RTL4: variants seen among roughly 807,000 people sequenced by gnomAD.
RTL4 encodes the protein retrotransposon Gag-like protein 4.
RTL4 carries 4 observed loss-of-function variants against 5.3 expected under a neutral mutation model. That is an observed-to-expected ratio of 0.75 (90% CI 0.37 to 1.72). The LOEUF is 1.72. Ranked by LOEUF, RTL4 falls within the 40% of genes most tolerant of loss-of-function variation. The pLI is 0.04. For synonymous variants in RTL4, 98 were observed against 87.3 expected, an observed-to-expected ratio of 1.12 and a Z score of -0.68; for missense variants, 260 against 227.1, an observed-to-expected ratio of 1.14 and a Z score of -0.93.
At chrX:112,228,856 T>G in the RTL4 span, among the ~76,000 whole-genome samples, 1 of 112,084 alleles carries the variant, frequency 8.9e-6, no homozygotes, top group East Asian at 2.8e-4. Flanking sequence ...TAATTTGGTC[T>G]CAATAAGATC....
the RTL4 span, among the ~76,000 whole-genome samples, chrX:112,411,774 T>A: frequency 9.0e-6 from 1 of 111,105 alleles, no homozygotes; most frequent in African/African-American, 3.3e-5. Flanking sequence ...TCTGAAAGCC[T>A]TTCTTCTGAG....
At chrX:112,382,316 G>T in the RTL4 span, 34 of 581,738 alleles carry the variant, frequency 5.8e-5, no homozygotes, top group South Asian at 8.8e-4. Context: ...ATTCCAGATT[G>T]CTATTGTAAA....
the RTL4 span, among the ~76,000 whole-genome samples, chrX:112,339,016 C>A: frequency 9.0e-6 from 1 of 110,743 alleles, no homozygotes; most frequent in South Asian, 3.8e-4. Context: ...AGTCTAGGAG[C>A]TAAATATACA....
the RTL4 span, among the ~76,000 whole-genome samples, chrX:112,280,384 G>T: frequency 9.0e-6 from 1 of 111,674 alleles, no homozygotes; most frequent in African/African-American, 3.3e-5. Context: ...CTTGGGTGAT[G>T]GGATCATTCA....
At chrX:112,382,459 T>C in the RTL4 span, among the ~76,000 whole-genome samples, 1 of 111,558 alleles carries the variant, frequency 9.0e-6, no homozygotes, top group Admixed American at 9.5e-5. Flanking sequence ...TCCACAAACC[T>C]CCTGTTAACC....
At chrX:112,116,518 A>C in the RTL4 span, among the ~76,000 whole-genome samples, 3,433 of 111,089 alleles carry the variant, frequency 0.031, 145 homozygotes, top group African/African-American at 0.11. Context: ...CCCACATCCT[A>C]CTGATTGGTC....
chrX:112,161,824 C>CTTTCTTT, the RTL4 span, among the ~76,000 whole-genome samples: 17 of 38,879 alleles, frequency 4.4e-4, no homozygotes, highest in African/African-American at 1.4e-3. Context: ...TTCCTTCCTT[C>CTTTCTTT]CTTCCTTCCT....
the RTL4 span, among the ~76,000 whole-genome samples, chrX:112,101,066 T>C: frequency 8.9e-6 from 1 of 112,058 alleles, no homozygotes. Flanking sequence ...CTTTGTGGCC[T>C]ACATGGAACA....
the RTL4 span, among the ~76,000 whole-genome samples, chrX:112,207,476 G>C: frequency 2.7e-5 from 3 of 111,765 alleles, no homozygotes; most frequent in Non-Finnish European, 5.6e-5. Flanking sequence ...GTTTCAAAAT[G>C]GATGTGATAA....
At chrX:112,172,806 T>C in the RTL4 span, among the ~76,000 whole-genome samples, 1 of 111,853 alleles carries the variant, frequency 8.9e-6, no homozygotes, top group African/African-American at 3.3e-5. Context: ...GTGGTACATA[T>C]ACTACATGGA....
the RTL4 span, among the ~76,000 whole-genome samples, chrX:112,220,686 C>T: frequency 0.25 from 27,521 of 111,398 alleles, 3,267 homozygotes; most frequent in African/African-American, 0.47. Context: ...CAGATAATCT[C>T]TCTCAAGTTC....
At chrX:112,255,561 C>T in the RTL4 span, among the ~76,000 whole-genome samples, 1 of 111,596 alleles carries the variant, frequency 9.0e-6, no homozygotes, top group Non-Finnish European at 1.9e-5. Flanking sequence ...ATGAGTCTGG[C>T]ATGTAGTAGG....
the RTL4 span, among the ~76,000 whole-genome samples, chrX:112,206,033 A>C: frequency 8.9e-6 from 1 of 111,848 alleles, no homozygotes; most frequent in Non-Finnish European, 1.9e-5. Context: ...CACATTTTGA[A>C]TGTCTTTTTA....
At chrX:112,138,480 T>A in the RTL4 span, among the ~76,000 whole-genome samples, 1 of 111,733 alleles carries the variant, frequency 8.9e-6, no homozygotes, top group African/African-American at 3.2e-5. Flanking sequence ...TGCAATAGAT[T>A]GTAATGATGG....
the RTL4 span, among the ~76,000 whole-genome samples, chrX:112,288,957 G>T: frequency 8.9e-6 from 1 of 111,767 alleles, no homozygotes; most frequent in Non-Finnish European, 1.9e-5. Flanking sequence ...GTCTCATTCT[G>T]GACAGTCTGT....
At chrX:112,349,068 T>C in the RTL4 span, among the ~76,000 whole-genome samples, 2 of 111,152 alleles carry the variant, frequency 1.8e-5, no homozygotes, top group South Asian at 3.8e-4. Flanking sequence ...ACATAGTAGA[T>C]GGTAAAACTC....
At chrX:112,088,953 C>CTTTAAATGTT in the RTL4 span, among the ~76,000 whole-genome samples, 1 of 112,024 alleles carries the variant, frequency 8.9e-6, no homozygotes, top group African/African-American at 3.2e-5. Context: ...TTTAAATGTT[C>CTTTAAATGTT]CATAAACTAG....
the RTL4 span, among the ~76,000 whole-genome samples, chrX:112,094,015 G>A: frequency 1.4e-4 from 16 of 112,005 alleles, 1 homozygote; most frequent in Non-Finnish European, 5.6e-5. Context: ...AGAAGCCATT[G>A]AAGAAGGAGA....
chrX:112,197,097 C>A, the RTL4 span, among the ~76,000 whole-genome samples: 2 of 93,531 alleles, frequency 2.1e-5, no homozygotes, highest in Admixed American at 1.2e-4. Flanking sequence ...ATTTAAAAAA[C>A]AACAACTCAA....
Sources: allele counts gnomAD v4.1 joint callset (sites outside exome capture counted in the v4.1 genomes callset), GRCh38; gene constraint gnomAD v4.1.1; transcripts MANE v1.5; gene names NCBI Gene and HGNC (gene_info 2026-07-23, HGNC 2026-07-21).